Variants in TMPO observed in about 807,000 individuals in gnomAD.
The protein encoded by TMPO is LEM domain containing 4.
In TMPO, 22 loss-of-function variants were observed where a neutral mutation model predicts 45.4. The observed-to-expected ratio is 0.48, with a 90% CI of 0.35 to 0.69. The LOEUF (loss-of-function observed/expected upper bound fraction) is 0.69. TMPO is among the 30% of genes least tolerant of loss of function. The probability of loss-of-function intolerance (pLI) is 0.01; values close to 1 mark genes in which losing one functional copy is unlikely to be tolerated. For missense variants in TMPO, 512 were observed against 548.8 expected, an observed-to-expected ratio of 0.93 and a Z score of 0.67; for synonymous variants, 241 against 204.1, an observed-to-expected ratio of 1.18 and a Z score of -1.54.
chr12:98,517,297 T>A (rs1875930417), intron 1 of TMPO, among the ~76,000 whole-genome samples: 1 of 152,232 alleles, frequency 6.6e-6, no homozygotes, highest in Non-Finnish European at 1.5e-5. Context: ...GCAAAGCATG[T>A]TTTGTTTCAG....
rs886049909 is a variant in TMPO, at chr12:98,515,800, G to A, written c.-68G>A. On this transcript the variant is annotated 5_prime_UTR_variant, in exon 1 of 9. Transcript: ENST00000556029. ...GAGGCGGCAGCGCGGTCCCCGGCCA[G>A]GAGCAAGCGCGCCGGCGTGAGCGGC... 49 of 1,561,782 alleles carry A rather than the reference G, an allele frequency of 3.1e-5. No homozygotes were observed. Among genetic ancestry groups the A allele is most frequent in the Non-Finnish European group, 4.2e-5 (48 of 1,154,492 alleles).
chr12:98,517,864 TA>T (rs1875992360), intron 1 of TMPO, among the ~76,000 whole-genome samples: 1 of 152,238 alleles, frequency 6.6e-6, no homozygotes, highest in Non-Finnish European at 1.5e-5. Flanking sequence ...TTAAACTCTT[TA>T]AGTAGAGTTG....
At chr12:98,519,016 G>A (rs1439196089) in intron 1 of TMPO, among the ~76,000 whole-genome samples, 1 of 151,934 alleles carries the variant, frequency 6.6e-6, no homozygotes, top group African/African-American at 2.4e-5. Context: ...CGAGTAGCTG[G>A]GACTACAGGC....
chr12:98,544,189 A>G, intron 4 of TMPO, 41 bp from the exon 5 acceptor site: 1 of 1,610,020 alleles, frequency 6.2e-7, no homozygotes, highest in South Asian at 1.1e-5. Flanking sequence ...AAAGTATTTG[A>G]TGTTAGAATA....
chr12:98,515,659 A>G lies in TMPO; in HGVS notation c.-209A>G. 2.0e-6 allele frequency: 2 copies of G among 1,013,028 alleles called. No individual in the cohort carries two copies. Among genetic ancestry groups the G allele is most frequent in the Non-Finnish European group, 2.8e-6 (2 of 705,864 alleles). 62.8% of individuals were successfully genotyped at this position (1,013,028 alleles called of 1,614,324 possible). On this transcript the variant is annotated 5_prime_UTR_variant, in exon 1 of 9. Coordinates refer to ENST00000556029, the MANE Select transcript of TMPO (RefSeq NM_001032283.3). ...TGGTGCGAGCTTCCAGCTTGGCCGC[A>G]GTTGGTTCGTAGTTCGGCTCTGGGG... is the stretch of plus-strand genomic sequence containing the variant.
intron 3 of TMPO, among the ~76,000 whole-genome samples, chr12:98,532,461 A>G (rs1294860618): frequency 6.6e-6 from 1 of 150,622 alleles, no homozygotes; most frequent in Non-Finnish European, 1.5e-5. Flanking sequence ...ATCTGACCTC[A>G]GGGCAACTTT....
At chr12:98,543,728 A>G (rs535141433) in intron 4 of TMPO, among the ~76,000 whole-genome samples, 1 of 152,356 alleles carries the variant, frequency 6.6e-6, no homozygotes, top group South Asian at 2.1e-4. Flanking sequence ...CAAATAAGCT[A>G]TATGTGGGAT....
chr12:98,535,369 A>T (rs752475302), intron 3 of TMPO: 222 of 985,036 alleles, frequency 2.3e-4, no homozygotes, highest in Non-Finnish European at 2.5e-4. Flanking sequence ...CTGTGATTGT[A>T]AGTTAAGAGT....
intron 7 of TMPO, 146 bp from the exon 8 acceptor site, chr12:98,546,213 A>G (rs888623373): frequency 5.9e-6 from 4 of 672,782 alleles, no homozygotes; most frequent in Non-Finnish European, 1.1e-5. Flanking sequence ...GTGGATACCT[A>G]AATAATAATT....
At chr12:98,541,327 G>T (rs563085879) in intron 4 of TMPO, among the ~76,000 whole-genome samples, 19 of 152,304 alleles carry the variant, frequency 1.2e-4, no homozygotes, top group Non-Finnish European at 1.5e-4. Flanking sequence ...TCAGTAGGTA[G>T]TGCTAGGTAA....
intron 1 of TMPO, 107 bp downstream of exon 1, chr12:98,516,253 G>C (rs1875801285): frequency 3.9e-6 from 5 of 1,284,676 alleles, no homozygotes; most frequent in Non-Finnish European, 4.9e-6. Context: ...GGGCCTCCCA[G>C]GTGCGGGGCT....
At chr12:98,535,222 T>A (rs1592948134) in intron 3 of TMPO, 2 of 984,010 alleles carry the variant, frequency 2.0e-6, no homozygotes, top group Middle Eastern at 1.0e-3. Flanking sequence ...TTTCATGATA[T>A]ATTGTATTTT....
chr12:98,537,537 G>C lies in TMPO; in HGVS notation c.628G>C (p.Val210Leu). The change falls in exon 4 of 9, where the codon GTA becomes CTA. Residue 210 changes from valine (V) to leucine (L), a missense_variant. This residue lies in a region of TMPO where 299 missense variants were observed against 296.7 expected (regional missense o/e 1.01). Transcript: ENST00000556029. ...EPLKGRAKTP[V>L]TLKQRRVEHN... ...ACTAAAGGGCAGAGCAAAGACTCCA[G>C]TAACACTCAAGCAAAGAAGAGTTGA... 1 of 1,613,564 alleles carries C rather than the reference G, an allele frequency of 6.2e-7. No individual in the cohort carries two copies. The highest frequency in any genetic ancestry group is 8.5e-7 in the Non-Finnish European group (1 of 1,179,688).
rs1085307099 is a variant in TMPO at position 98,533,794 on chromosome 12, CT to C, written c.565+1957del. On this transcript the variant is annotated intron_variant, in intron 3 of 8. Transcript: ENST00000556029. ...AGAATGGCAGCAAGTTGACAGGCAG[CT>C]GCCTTCACTGGCATGCAAATATCCA... 6.2e-7 allele frequency: 1 copy of C among 1,614,202 alleles called. No individual in the cohort carries two copies. Among genetic ancestry groups the C allele is most frequent in the East Asian group, 2.2e-5 (1 of 44,892 alleles).
At chr12:98,533,605 A>AACAT in intron 3 of TMPO, 1 of 1,614,184 alleles carries the variant, frequency 6.2e-7, no homozygotes, top group South Asian at 1.1e-5. Context: ...GGCATTTCAG[A>AACAT]ACATACCTGG....
rs750465280 is a variant in TMPO, at chr12:98,544,448, A to G, written c.790A>G (p.Thr264Ala). Residue 264 changes from threonine to alanine, a missense_variant, in exon 6 of 9, where the codon ACT (threonine) becomes GCT (alanine). Transcript: ENST00000556029. ...SRRTPRKRVE[T>A]SEHFRIDGPV... ...TTTGTTTTCAAACTAACAGGTGGAA[A>G]CTTCAGAACATTTTCGTATAGATGG... 10 of 1,613,810 alleles carry G rather than the reference A, an allele frequency of 6.2e-6. No individual in the cohort carries two copies. Among genetic ancestry groups the G allele is most frequent in the Admixed American group, 1.7e-5 (1 of 60,004 alleles).
Position 98,544,470 on chromosome 12 carries a change from A to C in TMPO, c.812A>C (p.Asp271Ala), listed in dbSNP as rs190515788. 1.2e-5 allele frequency: 19 copies of C among 1,613,956 alleles called. No homozygotes were observed. In the East Asian group the frequency reaches 4.0e-4, roughly 34 times the overall value. Residue 271 changes from aspartate (D) to alanine (A), a missense_variant, in exon 6 of 9, where the codon GAT becomes GCT. This residue lies in a region of TMPO where 209 missense variants were observed against 235.1 expected (regional missense o/e 0.89). Coordinates refer to ENST00000556029, the MANE Select transcript of TMPO (RefSeq NM_001032283.3). ...GAAACTTCAGAACATTTTCGTATAG[A>C]TGGTCCAGTAATTTCAGAGAGTACT... ...RVETSEHFRIDGPVISESTPI... is the reference protein window; with the variant it reads ...RVETSEHFRIAGPVISESTPI...
intron 1 of TMPO, among the ~76,000 whole-genome samples, chr12:98,525,152 A>G (rs557223991): frequency 6.6e-5 from 10 of 152,178 alleles, no homozygotes; most frequent in Admixed American, 3.3e-4. Flanking sequence ...TCTTTTCTTG[A>G]AAGAAATAAG....
intron 1 of TMPO, among the ~76,000 whole-genome samples, chr12:98,519,287 C>G (rs1191162048): frequency 6.6e-6 from 1 of 152,016 alleles, no homozygotes; most frequent in African/African-American, 2.4e-5. Context: ...TCATCTCTGC[C>G]TCCTGGGTTC....
Sources: gnomAD v4.1 joint callset for allele counts (sites outside exome capture counted in the v4.1 genomes callset) on GRCh38, gnomAD v4.1.1 for gene constraint, gnomAD v4.1.1 regional missense constraint, MANE v1.5 for transcripts, NCBI Gene and HGNC (gene_info 2026-07-23, HGNC 2026-07-21) for gene names.